AKT2: variants seen among roughly 807,000 people sequenced by gnomAD.
The protein encoded by AKT2 is AKT serine/threonine kinase 2.
In AKT2, 16 loss-of-function variants were observed where a neutral mutation model predicts 58.6. The observed-to-expected ratio is 0.27, with a 90% CI of 0.18 to 0.41. The LOEUF (loss-of-function observed/expected upper bound fraction) is 0.41, where lower values mean the gene tolerates loss of function less well. AKT2 is among the 10% of genes least tolerant of loss of function. The pLI, the probability that AKT2 is intolerant of heterozygous loss-of-function variation, is 1.00. For missense variants in AKT2, 438 were observed against 661.0 expected (o/e 0.66, Z 3.70); for synonymous variants, 253 against 254.0 (o/e 1.00, Z 0.04).
intron 2 of AKT2, among the ~76,000 whole-genome samples, chr19:40,258,473 G>A (rs778937432): frequency 6.6e-6 from 1 of 151,856 alleles, no homozygotes; most frequent in Non-Finnish European, 1.5e-5. Flanking sequence ...AGACGAGCCT[G>A]GGCAACATAG....
chr19:40,264,195 A>G (rs1976175227), intron 2 of AKT2, among the ~76,000 whole-genome samples: 1 of 152,098 alleles, frequency 6.6e-6, no homozygotes, highest in South Asian at 2.1e-4. Flanking sequence ...GCCAACCGCC[A>G]CACCTGGGGA....
At chr19:40,255,354 A>T in intron 3 of AKT2, 85 bp from the exon 4 acceptor site, 1 of 1,075,590 alleles carries the variant, frequency 9.3e-7, no homozygotes, top group Non-Finnish European at 1.4e-6. Flanking sequence ...CACCTCCCAC[A>T]GGCCTAGCCC....
At chr19:40,265,161 C>G (rs1976254909) in intron 2 of AKT2, 61 bp downstream of exon 2, 2 of 1,586,578 alleles carry the variant, frequency 1.3e-6, no homozygotes, top group Admixed American at 3.6e-5. Context: ...TCTCAGGGCA[C>G]AGCTTTCCAG....
chr19:40,243,256 T>G (rs1306811115), intron 4 of AKT2: 2 of 157,412 alleles, frequency 1.3e-5, no homozygotes, highest in Non-Finnish European at 2.8e-5. Flanking sequence ...AGTGACCCTC[T>G]CTTTTCACAG....
At chr19:40,270,435 A>G (rs570670857) in intron 1 of AKT2, 1 of 152,430 alleles carries the variant, frequency 6.6e-6, no homozygotes, top group African/African-American at 2.4e-5. Flanking sequence ...CAGGCTCAAA[A>G]TAAGCTCAAT....
Position 40,237,862 on chromosome 19 carries a change from G to C in AKT2, c.831+107C>G. 6.6e-7 allele frequency: 1 copy of C among 1,521,936 alleles called. No homozygotes were observed. Among genetic ancestry groups the C allele is most frequent in the Middle Eastern group, 2.1e-4 (1 of 4,780 alleles). The allele number at this position is 1,521,936 out of a possible 1,614,324, so 94.3% of individuals were successfully genotyped here. The stretch of plus-strand genomic sequence containing the variant: ...AGGGCAGCCACCACCCTGGACCTTG[G>C]TGGGGAGCCTGGCGAATGAGGGCAG... On this transcript the variant is annotated intron_variant, in intron 9 of 13. Coordinates refer to ENST00000392038, the MANE Select transcript of AKT2 (RefSeq NM_001626.6). The surrounding 1 kb of genome is among the most constrained non-coding windows in gnomAD (Gnocchi z 4.5).
intron 4 of AKT2, among the ~76,000 whole-genome samples, chr19:40,251,535 C>CT (rs1227067325): frequency 6.6e-6 from 1 of 151,956 alleles, no homozygotes; most frequent in African/African-American, 2.4e-5. Context: ...TACAAGACAA[C>CT]TAGCCTGGCT....
chr19:40,285,092 C>T (rs2077491132), intron 1 of AKT2, 89 bp downstream of exon 1: 5 of 389,158 alleles, frequency 1.3e-5, no homozygotes, highest in African/African-American at 2.1e-5. Flanking sequence ...CCGCCGGGCA[C>T]GGGTGGTACA....
At chr19:40,265,169 CAGG>C (rs755547976) in intron 2 of AKT2, 50 bp downstream of exon 2, 3 of 1,594,260 alleles carry the variant, frequency 1.9e-6, no homozygotes, top group Non-Finnish European at 2.6e-6. Context: ...CACAGCTTTC[CAGG>C]AGGAGCCAGC....
chr19:40,247,469 TC>T (rs1974826028), intron 4 of AKT2, among the ~76,000 whole-genome samples: 1 of 152,052 alleles, frequency 6.6e-6, no homozygotes. Flanking sequence ...CACAGCCTAC[TC>T]CTCCTTAGCA....
Position 40,255,196 on chromosome 19 carries a change from G to A in AKT2, c.249C>T (p.Val83=). ...FVIRCLQWTT[V]IERTFHVDSP... ...AATCCACGTGGAAGGTCCTCTCGATGACTGTGGTCCACTGCAGGCAGCGTA... is the reference window on the plus strand; with the variant it reads ...AATCCACGTGGAAGGTCCTCTCGATAACTGTGGTCCACTGCAGGCAGCGTA... Residue 83 remains valine (V), a synonymous_variant, in exon 4 of 14, where the codon GTC becomes GTT. Coordinates refer to ENST00000392038, the MANE Select transcript of AKT2 (RefSeq NM_001626.6). 1 of 1,614,136 alleles carries A rather than the reference G, an allele frequency of 6.2e-7. No homozygotes were observed. Among genetic ancestry groups the A allele is most frequent in the Non-Finnish European group, 8.5e-7 (1 of 1,179,980 alleles).
Position 40,235,769 on chromosome 19 carries a change from T to G in AKT2, c.1175+121A>C. 1.9e-6 allele frequency: 2 copies of G among 1,044,476 alleles called. No homozygotes were observed. Among genetic ancestry groups the G allele is most frequent in the Non-Finnish European group, 2.7e-6 (2 of 732,922 alleles). 64.7% of individuals were successfully genotyped at this position (1,044,476 alleles called of 1,614,324 possible). ...CCACTGTGGACGTTTTCAGGGGCTG[T>G]GTGGGGACGACACACTGCGACCCTA... On this transcript the variant is annotated intron_variant, in intron 11 of 13. Transcript: ENST00000392038. This position sits in a 1 kb window ranked among gnomAD's most constrained non-coding sequence, Gnocchi z 6.3.
At position 40,236,010 on chromosome 19, in the gene AKT2, T is replaced by C. The variant is rs886899893; in HGVS notation, c.1055A>G (p.Asn352Ser). 1.9e-6 allele frequency: 3 copies of C among 1,614,106 alleles called. No individual in the cohort carries two copies. The highest frequency in any genetic ancestry group is 1.1e-5 in the South Asian group (1 of 91,082). ...EMMCGRLPFY[N>S]QDHERLFELI... Reference sequence around the variant, plus strand: ...CTCGAAGAGGCGCTCGTGGTCCTGGTTGTAGAAGGGCAGGCGGCCGCACAT... The same window carrying C: ...CTCGAAGAGGCGCTCGTGGTCCTGGCTGTAGAAGGGCAGGCGGCCGCACAT... Residue 352 changes from asparagine (N) to serine (S), a missense_variant, in exon 11 of 14, where the codon AAC (asparagine) becomes AGC (serine). Physicochemically the swap from Asn to Ser is conservative, Grantham distance 46. Coordinates refer to ENST00000392038, the MANE Select transcript of AKT2 (RefSeq NM_001626.6).
chr19:40,270,309 G>A (rs1976615935), intron 1 of AKT2, among the ~76,000 whole-genome samples: 1 of 152,252 alleles, frequency 6.6e-6, no homozygotes, highest in African/African-American at 2.4e-5. Context: ...ACTCTTGGCT[G>A]CCTTAGCCAC....
Position 40,234,133 on chromosome 19 carries a change from G to A in AKT2, c.1367-182C>T, listed in dbSNP as rs1973865582. On this transcript the variant is annotated intron_variant, in intron 13 of 13. Coordinates refer to ENST00000392038, the MANE Select transcript of AKT2 (RefSeq NM_001626.6). This position sits in a 1 kb window ranked among gnomAD's most constrained non-coding sequence, Gnocchi z 4.7. The stretch of plus-strand genomic sequence containing the variant: ...CCCACTCCCCAAACCTGAGCCCCGG[G>A]CGGCCTCCTCTGGGAGTTTCCTGTG... 6.6e-6 allele frequency among the ~76,000 whole-genome samples: 1 copy of A among 152,166 alleles called. No individual in the cohort carries two copies. The highest frequency in any genetic ancestry group is 2.4e-5 in the African/African-American group (1 of 41,438).
chr19:40,261,904 CG>C (rs35207738), intron 2 of AKT2, among the ~76,000 whole-genome samples: 58,502 of 149,542 alleles, frequency 0.39, 12,659 homozygotes, highest in South Asian at 0.59. Flanking sequence ...ATTTCATCCC[CG>C]TTTTTTTTTT....
At chr19:40,243,003 CA>C (rs1367112664) in intron 4 of AKT2, 2 of 358,270 alleles carry the variant, frequency 5.6e-6, no homozygotes, top group Non-Finnish European at 1.1e-5. Context: ...AAAAATTAGT[CA>C]GGGGTGGCAT....
intron 1 of AKT2, among the ~76,000 whole-genome samples, chr19:40,280,404 G>A (rs957510656): frequency 1.3e-5 from 2 of 152,180 alleles, no homozygotes. Context: ...GTAAGGCAGT[G>A]ATGCTACTGG....
chr19:40,272,705 T>TA (rs1266739879), intron 1 of AKT2, among the ~76,000 whole-genome samples: 1 of 152,178 alleles, frequency 6.6e-6, no homozygotes, highest in Non-Finnish European at 1.5e-5. Context: ...CATACTGTCT[T>TA]AGACTTCAGG....
Sources: allele counts gnomAD v4.1 joint callset (sites outside exome capture counted in the v4.1 genomes callset), GRCh38; gene constraint gnomAD v4.1.1; non-coding constraint Gnocchi (gnomAD v3.1); transcripts MANE v1.5; gene names NCBI Gene and HGNC (gene_info 2026-07-23, HGNC 2026-07-21).